The following DACH2 variants were observed in gnomAD, a reference collection of about 807,000 sequenced individuals.
The protein encoded by DACH2 is dachshund homolog 2.
Under a neutral mutation model 35.8 loss-of-function variants are expected in DACH2, and 17 were observed. The observed-to-expected ratio is 0.48, with a 90% CI of 0.33 to 0.71. DACH2 has a LOEUF of 0.71. DACH2 is among the 30% of genes least tolerant of loss of function. DACH2 has a pLI of 0.02. For missense variants in DACH2, 469 were observed against 472.7 expected (o/e 0.99, Z 0.07); for synonymous variants, 195 against 177.3 (o/e 1.10, Z -0.79).
chrX:86,296,751 A>G (rs2034470823), intron 1 of DACH2, among the ~76,000 whole-genome samples: 2 of 111,056 alleles, frequency 1.8e-5, no homozygotes, highest in Admixed American at 1.9e-4. Flanking sequence ...TTTATTACAT[A>G]TATACTGGAG....
chrX:86,333,392 C>T (rs774918903), intron 1 of DACH2, among the ~76,000 whole-genome samples: 1 of 111,862 alleles, frequency 8.9e-6, no homozygotes, highest in East Asian at 2.8e-4. Context: ...CTCCCTATCT[C>T]TGTGTGAATT....
chrX:86,720,928 TG>T (rs2041398459), intron 6 of DACH2, among the ~76,000 whole-genome samples: 1 of 112,653 alleles, frequency 8.9e-6, no homozygotes, highest in Admixed American at 9.3e-5. Flanking sequence ...TCTGCACACC[TG>T]CAGGCCTAAC....
intron 7 of DACH2, among the ~76,000 whole-genome samples, chrX:86,792,721 C>G (rs1213596494): frequency 9.0e-6 from 1 of 111,599 alleles, no homozygotes; most frequent in Non-Finnish European, 1.9e-5. Context: ...TATTTTATGG[C>G]CAAGTAGTAT....
chrX:86,202,146 A>G (rs1260332496), intron 1 of DACH2, among the ~76,000 whole-genome samples: 1 of 111,712 alleles, frequency 9.0e-6, no homozygotes, highest in Non-Finnish European at 1.9e-5. Flanking sequence ...CTGGTAACAT[A>G]CTAGGCTGTG....
At chrX:86,227,579 G>A (rs1039844534) in intron 1 of DACH2, among the ~76,000 whole-genome samples, 17 of 108,920 alleles carry the variant, frequency 1.6e-4, no homozygotes, top group African/African-American at 4.0e-4. Context: ...CAACCCCCTC[G>A]CCCATCTTGG....
chrX:86,503,875 T>G (rs1242437979), intron 2 of DACH2, among the ~76,000 whole-genome samples: 1 of 111,439 alleles, frequency 9.0e-6, no homozygotes, highest in African/African-American at 3.3e-5. Context: ...TAGGTTTATT[T>G]ACTTAAAATA....
intron 3 of DACH2, among the ~76,000 whole-genome samples, chrX:86,515,828 G>A: frequency 8.9e-6 from 1 of 112,638 alleles, no homozygotes; most frequent in East Asian, 2.8e-4. Flanking sequence ...ACAATTGCCT[G>A]GAGGGTTGAT....
chrX:86,471,345 A>G (rs1181498441), intron 2 of DACH2, among the ~76,000 whole-genome samples: 1 of 111,427 alleles, frequency 9.0e-6, no homozygotes, highest in Non-Finnish European at 1.9e-5. Context: ...CATAGACTAT[A>G]TTGATATATA....
chrX:86,767,015 A>G (rs1039548848), intron 7 of DACH2, among the ~76,000 whole-genome samples: 12 of 111,942 alleles, frequency 1.1e-4, no homozygotes, highest in Non-Finnish European at 2.1e-4. Flanking sequence ...CCGTTTTGTA[A>G]AATAGCAGAA....
In DACH2 at chrX:86,786,290, T is replaced by C. The variant is rs752277185; in HGVS notation, c.1241-26566T>C. 2.7e-5 allele frequency among the ~76,000 whole-genome samples: 3 copies of C among 111,844 alleles called. No individual in the cohort carries two copies. The South Asian group carries it at 1.1e-3, about 42-fold the overall frequency. On this transcript the variant is annotated intron_variant, in intron 7 of 11. Coordinates refer to ENST00000373125, the MANE Select transcript of DACH2 (RefSeq NM_053281.3). Reference sequence around the variant, plus strand: ...AGAGCAGTACCAGAAGTTCTTGCAATATTAAGTAGTAGAGTGGAGATGCAC... The same window carrying C: ...AGAGCAGTACCAGAAGTTCTTGCAACATTAAGTAGTAGAGTGGAGATGCAC...
At chrX:86,323,083 G>A (rs963713807) in intron 1 of DACH2, among the ~76,000 whole-genome samples, 5 of 112,293 alleles carry the variant, frequency 4.5e-5, no homozygotes, top group African/African-American at 6.5e-5. Flanking sequence ...TGCATGGAGC[G>A]GATTCCTATT....
intron 3 of DACH2, among the ~76,000 whole-genome samples, chrX:86,574,021 T>A (rs1477838950): frequency 8.9e-6 from 1 of 112,021 alleles, no homozygotes; most frequent in Non-Finnish European, 1.9e-5. Flanking sequence ...TATATTTGCT[T>A]ATGTGCTGAA....
At chrX:86,765,034 G>T (rs1038534450) in intron 7 of DACH2, among the ~76,000 whole-genome samples, 19 of 111,625 alleles carry the variant, frequency 1.7e-4, no homozygotes, top group African/African-American at 6.2e-4. Flanking sequence ...CTTCTTTTGA[G>T]AAGTGTCTGT....
chrX:86,632,979 A>C (rs2040219897), intron 3 of DACH2, among the ~76,000 whole-genome samples: 1 of 107,401 alleles, frequency 9.3e-6, no homozygotes, highest in Non-Finnish European at 1.9e-5. Context: ...TTCCTACATC[A>C]AAAAAAAAAT....
At chrX:86,656,877 A>ATATATATATATATG (rs1556359290) in intron 4 of DACH2, among the ~76,000 whole-genome samples, 5 of 98,627 alleles carry the variant, frequency 5.1e-5, no homozygotes, top group African/African-American at 1.9e-4. Flanking sequence ...ATATATATAT[A>ATATATATATATATG]TATATATATA....
rs191115526 is a variant in DACH2, at chrX:86,600,424, C to A, written c.641-50612C>A. On this transcript the variant is annotated intron_variant, in intron 3 of 11. Transcript: ENST00000373125. ...TTATTTAAAGTCTAGGCAGAATATT[C>A]CCTGTGCAGAATGCTGATAGTTTTT... 3.0e-3 allele frequency among the ~76,000 whole-genome samples: 340 copies of A among 111,762 alleles called. 1 individual carries two copies. The highest frequency in any genetic ancestry group is 5.2e-3 in the Non-Finnish European group (278 of 53,159).
At chrX:86,712,009 T>C (rs1454432552) in intron 5 of DACH2, among the ~76,000 whole-genome samples, 1 of 111,669 alleles carries the variant, frequency 9.0e-6, no homozygotes, top group Non-Finnish European at 1.9e-5. Context: ...GAACTGTAAA[T>C]TGAACAAAAG....
At chrX:86,606,598 T>C (rs2039861617) in intron 3 of DACH2, among the ~76,000 whole-genome samples, 1 of 108,192 alleles carries the variant, frequency 9.2e-6, no homozygotes, top group Admixed American at 9.9e-5. Flanking sequence ...AGGCTTGTTT[T>C]GTGACCTAAC....
At chrX:86,680,210 C>T (rs1370536656) in intron 4 of DACH2, among the ~76,000 whole-genome samples, 5 of 111,763 alleles carry the variant, frequency 4.5e-5, no homozygotes, top group Non-Finnish European at 9.4e-5. Flanking sequence ...TAACTGCATG[C>T]TTTAAAACTT....
Sources: allele counts gnomAD v4.1 joint callset (sites outside exome capture counted in the v4.1 genomes callset), GRCh38; gene constraint gnomAD v4.1.1; transcripts MANE v1.5; gene names NCBI Gene and HGNC (gene_info 2026-07-23, HGNC 2026-07-21).